Variants in AGFG1 observed in about 807,000 individuals in gnomAD.
The protein encoded by AGFG1 is arf-GAP domain and FG repeat-containing protein 1.
AGFG1 carries 10 observed loss-of-function variants against 60.6 expected under a neutral mutation model. The observed-to-expected ratio is 0.16, with a 90% CI of 0.10 to 0.28. The LOEUF is 0.28. AGFG1 is among the 10% of genes least tolerant of loss of function. The probability of loss-of-function intolerance (pLI) is 1.00; values close to 1 mark genes in which losing one functional copy is unlikely to be tolerated. For missense variants in AGFG1, 537 were observed against 676.5 expected, an observed-to-expected ratio of 0.79 and a Z score of 2.29; for synonymous variants, 247 against 242.9, an observed-to-expected ratio of 1.02 and a Z score of -0.16.
rs905510433 is a variant in AGFG1, at chr2:227,558,997, G to A, written c.*4502G>A. On this transcript the variant is annotated 3_prime_UTR_variant, in exon 13 of 13. Coordinates refer to ENST00000310078, the MANE Select transcript of AGFG1 (RefSeq NM_004504.5). ...AGCTTTTATATTGTTAATTCATTTA[G>A]CAAGCATTTGAACACTTGTTTATTT... The A allele has an allele frequency of 2.6e-5, 4 of 152,178 alleles. No homozygotes were observed. Among genetic ancestry groups the A allele is most frequent in the Admixed American group, 2.6e-4 (4 of 15,270 alleles). 9.4% of individuals were successfully genotyped at this position (152,178 alleles called of 1,614,324 possible).
At chr2:227,538,866 G>A (rs533295267) in intron 10 of AGFG1, among the ~76,000 whole-genome samples, 1 of 151,948 alleles carries the variant, frequency 6.6e-6, no homozygotes, top group East Asian at 1.9e-4. Flanking sequence ...GATAATTCTA[G>A]TATTAAGTAA....
chr2:227,473,133 C>T (rs901711287), intron 1 of AGFG1, among the ~76,000 whole-genome samples: 3 of 152,106 alleles, frequency 2.0e-5, no homozygotes, highest in African/African-American at 7.2e-5. Flanking sequence ...TCGCCCGTGC[C>T]TTTTTTCTGG....
intron 2 of AGFG1, among the ~76,000 whole-genome samples, chr2:227,518,690 A>C (rs1228016682): frequency 6.6e-6 from 1 of 151,432 alleles, no homozygotes; most frequent in African/African-American, 2.4e-5. Context: ...CGCCTGGCTA[A>C]TTTTTTTGTA....
At chr2:227,508,902 G>A (rs1691409395) in intron 2 of AGFG1, among the ~76,000 whole-genome samples, 4 of 152,066 alleles carry the variant, frequency 2.6e-5, no homozygotes, top group Admixed American at 6.5e-5. Flanking sequence ...GGATGATCTT[G>A]TAAAACAAAA....
chr2:227,535,089 C>A, intron 8 of AGFG1, 64 bp downstream of exon 8: 2 of 1,369,802 alleles, frequency 1.5e-6, no homozygotes, highest in South Asian at 3.9e-5. Flanking sequence ...TTTGAATAAT[C>A]AATTAAAAAA....
intron 2 of AGFG1, among the ~76,000 whole-genome samples, chr2:227,495,534 A>G: frequency 6.8e-6 from 1 of 147,442 alleles, no homozygotes; most frequent in Non-Finnish European, 1.5e-5. Flanking sequence ...TGACCAAGCG[A>G]GATACTGTCT....
intron 10 of AGFG1, among the ~76,000 whole-genome samples, chr2:227,546,770 A>C (rs1692661830): frequency 6.6e-6 from 1 of 152,172 alleles, no homozygotes; most frequent in South Asian, 2.1e-4. Context: ...ATAGAGGTTA[A>C]AATAATTTTT....
intron 2 of AGFG1, among the ~76,000 whole-genome samples, chr2:227,492,411 G>A (rs1233832129): frequency 6.6e-6 from 1 of 151,970 alleles, no homozygotes; most frequent in Non-Finnish European, 1.5e-5. Context: ...TTTCTAGAAA[G>A]GATAAGTAGT....
intron 10 of AGFG1, among the ~76,000 whole-genome samples, chr2:227,537,537 T>C (rs1000501250): frequency 6.6e-6 from 1 of 152,162 alleles, no homozygotes; most frequent in African/African-American, 2.4e-5. Context: ...TACTGAATAT[T>C]TTCTCTTTTG....
intron 5 of AGFG1, among the ~76,000 whole-genome samples, chr2:227,525,426 A>G (rs1190792024): frequency 6.6e-6 from 1 of 152,198 alleles, no homozygotes; most frequent in Non-Finnish European, 1.5e-5. Context: ...TAGGATTCAA[A>G]TGTTCATTAT....
rs75234564 is a variant in AGFG1 at position 227,493,943 on chromosome 2, C to G, written c.261+2303C>G. Among the ~76,000 whole-genome samples, 363 of 152,264 alleles carry G rather than the reference C, an allele frequency of 2.4e-3. 19 individuals carry two copies. The East Asian group carries it at 0.06, about 25-fold the overall frequency. On this transcript the variant is annotated intron_variant, in intron 2 of 12. Transcript: ENST00000310078. ...GTTGGTTTTTGAGGGTAACTAGAAC[C>G]TAAGCTGGTAGTGGAAGTCACTGAA...
chr2:227,484,688 GTTTTTT>G (rs745570416), intron 1 of AGFG1, among the ~76,000 whole-genome samples: 2 of 25,090 alleles, frequency 8.0e-5, no homozygotes, highest in African/African-American at 1.1e-4. Flanking sequence ...TTTTTTTTTT[GTTTTTT>G]TTTTTTTTTT....
intron 1 of AGFG1, among the ~76,000 whole-genome samples, chr2:227,487,553 T>C (rs1690678887): frequency 6.6e-6 from 1 of 152,266 alleles, no homozygotes; most frequent in African/African-American, 2.4e-5. Flanking sequence ...TTTCCTATTA[T>C]GAATAATGTT....
chr2:227,551,919 T>C lies in AGFG1; in HGVS notation c.1379-40T>C, dbSNP rs371096982. 8.1e-6 allele frequency: 13 copies of C among 1,596,400 alleles called. No homozygotes were observed. In the African/African-American group the frequency reaches 1.6e-4, roughly 20 times the overall value. The stretch of plus-strand genomic sequence containing the variant: ...ACAATGTTGTGAGAAACTAAACATA[T>C]CCTGTTGTATGTAACTGATCAGCCC... On this transcript the variant is annotated intron_variant, in intron 10 of 12. Transcript: ENST00000310078.
intron 1 of AGFG1, among the ~76,000 whole-genome samples, chr2:227,490,732 T>A (rs1690787459): frequency 6.6e-6 from 1 of 152,044 alleles, no homozygotes. Context: ...TTCTTGTGGG[T>A]GGACCTGCCC....
chr2:227,545,768 T>C (rs1049249054), intron 10 of AGFG1, among the ~76,000 whole-genome samples: 1 of 152,246 alleles, frequency 6.6e-6, no homozygotes, highest in African/African-American at 2.4e-5. Flanking sequence ...CTCCAGACCC[T>C]GTTTGCCTGG....
At chr2:227,505,715 T>C (rs1575081100) in intron 2 of AGFG1, among the ~76,000 whole-genome samples, 1 of 152,104 alleles carries the variant, frequency 6.6e-6, no homozygotes, top group Admixed American at 6.5e-5. Context: ...TTATATGATA[T>C]GGTCTTTTTA....
intron 10 of AGFG1, among the ~76,000 whole-genome samples, chr2:227,544,522 G>T (rs1692584962): frequency 1.3e-5 from 2 of 152,168 alleles, no homozygotes; most frequent in South Asian, 4.1e-4. Flanking sequence ...TGGTTATTTT[G>T]CTCATTAGTT....
intron 3 of AGFG1, among the ~76,000 whole-genome samples, chr2:227,522,684 T>G (rs1278461384): frequency 6.6e-6 from 1 of 152,210 alleles, no homozygotes; most frequent in African/African-American, 2.4e-5. Flanking sequence ...CTGGAACAGG[T>G]GCTCTTAAGC....
Sources: allele counts gnomAD v4.1 joint callset (sites outside exome capture counted in the v4.1 genomes callset), GRCh38; gene constraint gnomAD v4.1.1; transcripts MANE v1.5; gene names NCBI Gene and HGNC (gene_info 2026-07-23, HGNC 2026-07-21).